The following MYCBP2 variants were observed in gnomAD, a reference collection of about 807,000 sequenced individuals.
MYCBP2 encodes E3 ubiquitin-protein ligase MYCBP2.
In MYCBP2, 120 loss-of-function variants were observed where a neutral mutation model predicts 525.3. The ratio of observed to expected loss-of-function variants is 0.23; its 90% CI spans 0.20 to 0.27. MYCBP2 has a LOEUF of 0.27. Among genes scored for constraint, MYCBP2 ranks in the 10% least tolerant of loss-of-function variants. The pLI is 1.00. For synonymous variants in MYCBP2, 1,894 were observed against 1,955.8 expected (o/e 0.97, Z 0.83); for missense variants, 4,149 against 5,657.1 (o/e 0.73, Z 8.55).
chr13:77,291,993 A>G (rs2077528726), intron 2 of MYCBP2, among the ~76,000 whole-genome samples: 1 of 152,228 alleles, frequency 6.6e-6, no homozygotes, highest in South Asian at 2.1e-4. Context: ...CTGGCCTGTC[A>G]GACTGCTCTG....
chr13:77,196,547 C>T lies in MYCBP2; in HGVS notation c.3844-2303G>A, dbSNP rs563658464. Among the ~76,000 whole-genome samples the T allele has an allele frequency of 1.3e-3, 199 of 152,168 alleles. No homozygotes were observed. In the Middle Eastern group the frequency reaches 0.02, roughly 16 times the overall value. Reference sequence around the variant, plus strand: ...GGCAGTTTTCAGAAGTGGTTAGATACGGGATTTATTTTGAAAGTGGAAACG... The same window carrying T: ...GGCAGTTTTCAGAAGTGGTTAGATATGGGATTTATTTTGAAAGTGGAAACG... On this transcript the variant is annotated intron_variant, in intron 26 of 82. Coordinates refer to ENST00000544440, the MANE Select transcript of MYCBP2 (RefSeq NM_015057.5).
rs544204271 is a variant in MYCBP2, at chr13:77,149,386, C to CT, written c.7131+1347dup. ...TCTAAATCTCTGGGTGCTTGGAAAT[C>CT]TTTTTTTTTTTTTAAGTAAGTGCTC... On this transcript the variant is annotated intron_variant, in intron 47 of 82. Transcript: ENST00000544440. Among the ~76,000 whole-genome samples the CT allele has an allele frequency of 9.4e-4, 135 of 143,458 alleles. 2 individuals are homozygous for CT. Among genetic ancestry groups the CT allele is most frequent in the East Asian group, 4.8e-3 (24 of 4,984 alleles). The allele number at this position is 143,458 out of a possible 152,430, so 94.1% of individuals were successfully genotyped here. A position where few individuals can be genotyped will look rare whatever the true frequency, so the allele number is the denominator to read the frequency against.
chr13:77,191,636 C>A (rs780852393), intron 28 of MYCBP2, 43 bp downstream of exon 28: 6 of 1,592,152 alleles, frequency 3.8e-6, no homozygotes, highest in Non-Finnish European at 4.3e-6. Flanking sequence ...ATTCCTCTAA[C>A]AAAAATAAGT....
In MYCBP2 at chr13:77,095,551, G is replaced by A. The variant is rs1418021873; in HGVS notation, c.10006C>T (p.Pro3336Ser). ...ATCACCTGGTGAGCTTCCATGGTGGGCAAGGCACGAGGGGTCTTGACTTGC... is the reference window on the plus strand; with the variant it reads ...ATCACCTGGTGAGCTTCCATGGTGGACAAGGCACGAGGGGTCTTGACTTGC... The part of the protein sequence containing the change: ...PMQVKTPRAL[P>S]TMEAHQVIKA... Residue 3336 changes from proline (P) to serine (S), a missense_variant, in exon 58 of 83, where the codon CCC becomes TCC. Transcript: ENST00000544440. 5.0e-6 allele frequency: 8 copies of A among 1,613,522 alleles called. No homozygotes were observed. Among genetic ancestry groups the A allele is most frequent in the Non-Finnish European group, 6.8e-6 (8 of 1,179,644 alleles).
In MYCBP2 at chr13:77,181,735, G is replaced by C; in HGVS notation, c.4907C>G (p.Pro1636Arg). 6.2e-7 allele frequency: 1 copy of C among 1,613,908 alleles called. No individual in the cohort carries two copies. Among genetic ancestry groups the C allele is most frequent in the Non-Finnish European group, 8.5e-7 (1 of 1,179,922 alleles). Reference protein sequence around the residue: ...ENDSTLVHRFPLLVAHMEKLS... With the variant: ...ENDSTLVHRFRLLVAHMEKLS... The stretch of plus-strand genomic sequence containing the variant: ...TTTTTCCATATGTGCCACCAAAAGG[G>C]GAAAACGATGAACTAGTGTTGAGTC... The change falls in exon 33 of 83, where the codon CCC becomes CGC. Residue 1636 changes from proline to arginine, a missense_variant. Physicochemically the swap from Pro to Arg is moderately radical, Grantham distance 103 (BLOSUM62 -2). Coordinates refer to ENST00000544440, the MANE Select transcript of MYCBP2 (RefSeq NM_015057.5).
At chr13:77,268,020 G>T in intron 7 of MYCBP2, 83 bp from the exon 8 acceptor site, 1 of 758,908 alleles carries the variant, frequency 1.3e-6, no homozygotes, top group South Asian at 1.6e-5. Flanking sequence ...CATATTACAG[G>T]TTTTTGAGGT....
chr13:77,203,496 A>G (rs1180746151), intron 26 of MYCBP2, among the ~76,000 whole-genome samples: 1 of 151,878 alleles, frequency 6.6e-6, no homozygotes, highest in East Asian at 1.9e-4. Context: ...ATTCAATGCC[A>G]TCCCCATCAA....
At chr13:77,190,649 T>C (rs779458884) in intron 28 of MYCBP2, among the ~76,000 whole-genome samples, 4 of 152,186 alleles carry the variant, frequency 2.6e-5, no homozygotes, top group Non-Finnish European at 5.9e-5. Flanking sequence ...TCTGCTTGAC[T>C]AGCTGCATGA....
chr13:77,054,683 C>T (rs1211481407), intron 80 of MYCBP2, among the ~76,000 whole-genome samples: 1 of 151,852 alleles, frequency 6.6e-6, no homozygotes. Flanking sequence ...TCATTGCAGC[C>T]TCAACCCCCT....
intron 1 of MYCBP2, among the ~76,000 whole-genome samples, chr13:77,300,119 AG>A (rs2078615269): frequency 6.6e-6 from 1 of 152,214 alleles, no homozygotes; most frequent in Admixed American, 6.5e-5. Flanking sequence ...AAGGAGACTG[AG>A]GTTCCTTGTA....
Position 77,158,059 on chromosome 13 carries a change from A to G in MYCBP2, c.6648T>C (p.His2216=). ...CAAGTGCTTCTAATATAGTTGGTGA[A>G]TGAGAAAGAGCTAGACCCTTTCCAA... ...GILGKGLALS[H]SPTILEALEG... is the part of the protein sequence containing the mutation. The change falls in exon 45 of 83, where the codon CAT becomes CAC. Residue 2216 remains histidine, a synonymous_variant. Transcript: ENST00000544440. 2 of 1,613,332 alleles carry G rather than the reference A, an allele frequency of 1.2e-6. No individual in the cohort carries two copies. Among genetic ancestry groups the G allele is most frequent in the Non-Finnish European group, 1.7e-6 (2 of 1,179,540 alleles).
intron 5 of MYCBP2, among the ~76,000 whole-genome samples, chr13:77,272,742 T>A (rs974835859): frequency 2.6e-5 from 4 of 152,158 alleles, no homozygotes; most frequent in African/African-American, 9.7e-5. Flanking sequence ...AATCACTGAA[T>A]AAGACAGAAA....
intron 62 of MYCBP2, among the ~76,000 whole-genome samples, chr13:77,086,616 T>C (rs2044327460): frequency 6.6e-6 from 1 of 152,146 alleles, no homozygotes. Context: ...CTTAGCAACT[T>C]GTATTTTTTA....
chr13:77,257,266 T>C (rs1482811332), intron 14 of MYCBP2, among the ~76,000 whole-genome samples: 2 of 151,844 alleles, frequency 1.3e-5, no homozygotes, highest in Admixed American at 6.6e-5. Context: ...GGGTGGGAAA[T>C]GGGATGGTTA....
intron 33 of MYCBP2, among the ~76,000 whole-genome samples, chr13:77,180,859 G>T (rs2060153277): frequency 6.6e-6 from 1 of 152,254 alleles, no homozygotes; most frequent in Non-Finnish European, 1.5e-5. Context: ...GGTTGAGGTT[G>T]CAGTAAACTG....
At chr13:77,109,522 G>A (rs2048422478) in intron 55 of MYCBP2, 1 of 152,284 alleles carries the variant, frequency 6.6e-6, no homozygotes. Context: ...CAGACAATCA[G>A]AACAGCCTTG....
chr13:77,185,844 T>C (rs1247535145), intron 31 of MYCBP2, 27 bp downstream of exon 31: 14 of 1,488,296 alleles, frequency 9.4e-6, no homozygotes, highest in African/African-American at 1.4e-5. Flanking sequence ...TTTCTCCCTA[T>C]AGTCATTTAA....
intron 47 of MYCBP2, 125 bp downstream of exon 47, chr13:77,150,609 A>G: frequency 1.3e-6 from 1 of 747,334 alleles, no homozygotes; most frequent in Non-Finnish European, 2.2e-6. Context: ...GTGTTGCTGC[A>G]AATTTAATAT....
rs752634142 is a variant in MYCBP2, at chr13:77,067,611, G to A, written c.12425C>T (p.Thr4142Ile). The change falls in exon 71 of 83, where the codon ACA becomes ATA. Residue 4142 changes from threonine to isoleucine, a missense_variant. By Grantham distance (89) the Thr-to-Ile change is moderately conservative. Coordinates refer to ENST00000544440, the MANE Select transcript of MYCBP2 (RefSeq NM_015057.5). ...AGTTVGKGVT[T>I]VTLPMIFNSS... is the part of the protein sequence containing the mutation. Reference sequence around the variant, plus strand: ...ATTGAAAATCATCGGAAGAGTAACTGTTGTAACTCCTTTGCCCACAGTGGT... The same window carrying A: ...ATTGAAAATCATCGGAAGAGTAACTATTGTAACTCCTTTGCCCACAGTGGT... The A allele has an allele frequency of 5.6e-6, 9 of 1,614,156 alleles. No homozygotes were observed. The Middle Eastern group carries it at 1.3e-3, about 237-fold the overall frequency.
Sources: gnomAD v4.1 joint callset for allele counts (sites outside exome capture counted in the v4.1 genomes callset) on GRCh38, gnomAD v4.1.1 for gene constraint, MANE v1.5 for transcripts, NCBI Gene and HGNC (gene_info 2026-07-23, HGNC 2026-07-21) for gene names.